Variants in PDZK1IP1 observed in about 807,000 individuals in gnomAD.
The protein encoded by PDZK1IP1 is PDZK1 interacting protein 1.
A neutral mutation model predicts 14.7 loss-of-function variants in PDZK1IP1; 9 were observed. The observed-to-expected ratio is 0.61, with a 90% confidence interval of 0.37 to 1.07. The LOEUF (loss-of-function observed/expected upper bound fraction) is 1.07. Among genes scored for constraint, PDZK1IP1 ranks in the 50% least tolerant of loss-of-function variants. PDZK1IP1 has a pLI of 0.01. For missense variants in PDZK1IP1, 152 were observed against 148.7 expected (o/e 1.02, Z -0.11); for synonymous variants, 70 against 61.2 (o/e 1.14, Z -0.67).
chr1:47,184,582 CAT>C (rs1645307393), intron 3 of PDZK1IP1, among the ~76,000 whole-genome samples: 1 of 125,310 alleles, frequency 8.0e-6, no homozygotes, highest in East Asian at 2.6e-4. Context: ...CCACTGAGTC[CAT>C]ACCCCACTGA....
At chr1:47,186,570 C>G (rs930377308) in intron 2 of PDZK1IP1, among the ~76,000 whole-genome samples, 1 of 152,236 alleles carries the variant, frequency 6.6e-6, no homozygotes, top group African/African-American at 2.4e-5. Flanking sequence ...ACAGAGGCAG[C>G]CTTGCCTGAG....
rs770266089 is a variant in PDZK1IP1, at chr1:47,184,081, C to T, written c.273-38G>A. 1.2e-5 allele frequency: 17 copies of T among 1,468,310 alleles called. No homozygotes were observed. The South Asian group carries it at 2.0e-4, about 18-fold the overall frequency. 91.0% of individuals were successfully genotyped at this position (1,468,310 alleles called of 1,614,324 possible). On this transcript the variant is annotated intron_variant, in intron 3 of 3. Coordinates refer to ENST00000294338, the MANE Select transcript of PDZK1IP1 (RefSeq NM_005764.4). ...GGCATGGGCCTGATGGGTCATCGCT[C>T]CTCCCATTCTATCCCCTTCTCCCTG...
At chr1:47,188,276 G>T (rs570948703) in intron 1 of PDZK1IP1, among the ~76,000 whole-genome samples, 1 of 152,334 alleles carries the variant, frequency 6.6e-6, no homozygotes, top group East Asian at 1.9e-4. Context: ...AAAGTGCTGG[G>T]ATTACAGGCA....
chr1:47,184,427 G>GC (rs1645304346), intron 3 of PDZK1IP1, among the ~76,000 whole-genome samples: 1 of 9,564 alleles, frequency 1.0e-4, no homozygotes, highest in Non-Finnish European at 2.6e-4. Context: ...ACCCTGCTGA[G>GC]TCCATCCCCC....
chr1:47,189,832 G>A (rs778668905), intron 1 of PDZK1IP1, 34 bp downstream of exon 1: 1 of 1,538,418 alleles, frequency 6.5e-7, no homozygotes, highest in Admixed American at 1.9e-5. Context: ...CCACCCCTGG[G>A]TCTCCCGTGC....
In PDZK1IP1 at chr1:47,185,333, C is replaced by T. The variant is rs118136491; in HGVS notation, c.177-236G>A. 1.5e-3 allele frequency: 768 copies of T among 495,784 alleles called. 7 individuals are homozygous for T. The East Asian group carries it at 0.022, about 14-fold the overall frequency. The allele number at this position is 495,784 out of a possible 1,614,324, so 30.7% of individuals were successfully genotyped here. ...AAAAGATTTATCCTGAGTCCAAAGCCTCTCTCTGTCCCAGACGCCCTCAGT... is the reference window on the plus strand; with the variant it reads ...AAAAGATTTATCCTGAGTCCAAAGCTTCTCTCTGTCCCAGACGCCCTCAGT... On this transcript the variant is annotated intron_variant, in intron 2 of 3. Coordinates refer to ENST00000294338, the MANE Select transcript of PDZK1IP1 (RefSeq NM_005764.4).
intron 1 of PDZK1IP1, among the ~76,000 whole-genome samples, chr1:47,189,376 G>GA (rs1645339381): frequency 6.6e-6 from 1 of 152,192 alleles, no homozygotes; most frequent in African/African-American, 2.4e-5. Flanking sequence ...TTATAGGTGA[G>GA]AAAACTGAGT....
In PDZK1IP1 at chr1:47,183,833, C is replaced by A; in HGVS notation, c.*138G>T. 2.7e-6 allele frequency: 2 copies of A among 732,898 alleles called. No individual in the cohort carries two copies. Among genetic ancestry groups the A allele is most frequent in the Admixed American group, 2.2e-5 (1 of 44,466 alleles). 45.4% of individuals were successfully genotyped at this position (732,898 alleles called of 1,614,324 possible). On this transcript the variant is annotated 3_prime_UTR_variant, in exon 4 of 4. Transcript: ENST00000294338. The stretch of plus-strand genomic sequence containing the variant: ...ACCTTGGCTGGCTATACTTCAAGGG[C>A]GGGTAGGGCCGGCATGGGGCTGGAG...
chr1:47,187,497 C>T (rs1645327608), intron 1 of PDZK1IP1, 70 bp from the exon 2 acceptor site: 1 of 1,274,048 alleles, frequency 7.8e-7, no homozygotes, highest in East Asian at 2.4e-5. Context: ...AGCGAGGGGC[C>T]TCACTCTTCA....
intron 3 of PDZK1IP1, 74 bp downstream of exon 3, chr1:47,184,928 C>A: frequency 8.1e-7 from 1 of 1,239,808 alleles, no homozygotes; most frequent in East Asian, 2.3e-5. Context: ...GCCACCTCCC[C>A]CCAGCAGCAC....
At chr1:47,189,338 G>A (rs1426519641) in intron 1 of PDZK1IP1, among the ~76,000 whole-genome samples, 3 of 152,224 alleles carry the variant, frequency 2.0e-5, no homozygotes, top group Non-Finnish European at 2.9e-5. Flanking sequence ...CCTGGGAGGT[G>A]GGCAGGGTGG....
chr1:47,184,141 G>A, intron 3 of PDZK1IP1, 98 bp from the exon 4 acceptor site: 1 of 921,198 alleles, frequency 1.1e-6, no homozygotes, highest in Non-Finnish European at 1.7e-6. Context: ...ATAGCTTCCA[G>A]AATAAACACT....
chr1:47,189,820 G>C, intron 1 of PDZK1IP1, 46 bp downstream of exon 1: 1 of 1,465,732 alleles, frequency 6.8e-7, no homozygotes, highest in Non-Finnish European at 9.2e-7. Flanking sequence ...AACACCACCT[G>C]TCCACCCCTG....
chr1:47,187,759 G>A (rs993552253), intron 1 of PDZK1IP1, among the ~76,000 whole-genome samples: 1 of 152,206 alleles, frequency 6.6e-6, no homozygotes, highest in African/African-American at 2.4e-5. Context: ...TCCCGCAGGT[G>A]GGTCACATGC....
intron 2 of PDZK1IP1, among the ~76,000 whole-genome samples, chr1:47,185,596 G>A (rs1207873271): frequency 6.6e-6 from 1 of 152,168 alleles, no homozygotes; most frequent in Non-Finnish European, 1.5e-5. Context: ...GAGGGTTACA[G>A]GGACCCGAAC....
chr1:47,186,172 G>T (rs1359404294), intron 2 of PDZK1IP1, among the ~76,000 whole-genome samples: 9 of 152,116 alleles, frequency 5.9e-5, no homozygotes, highest in Admixed American at 5.9e-4. Flanking sequence ...GCCAGGCGTG[G>T]TGTCAGGCAC....
At chr1:47,189,663 C>A (rs550252620) in intron 1 of PDZK1IP1, among the ~76,000 whole-genome samples, 1 of 152,336 alleles carries the variant, frequency 6.6e-6, no homozygotes, top group African/African-American at 2.4e-5. Context: ...ATCCTAGAAC[C>A]AACTGCTGCC....
rs781415537 is a variant in PDZK1IP1, at chr1:47,189,928, G to A, written c.5C>T (p.Ser2Leu). Residue 2 changes from serine (S) to leucine (L), a missense_variant, in exon 1 of 4, where the codon TCG becomes TTG. Physicochemically the swap from Ser to Leu is moderately radical, Grantham distance 145. Coordinates refer to ENST00000294338, the MANE Select transcript of PDZK1IP1 (RefSeq NM_005764.4). MSALSLLILGLL... is the reference protein window; with the variant it reads MLALSLLILGLL... Reference sequence around the variant, plus strand: ...GCCCAGAATGAGGAGGCTGAGGGCCGACATGGCTGCAGCAGCTCCTAGCCT... The same window carrying A: ...GCCCAGAATGAGGAGGCTGAGGGCCAACATGGCTGCAGCAGCTCCTAGCCT... The A allele has an allele frequency of 1.3e-5, 21 of 1,591,324 alleles. No individual in the cohort carries two copies. Among genetic ancestry groups the A allele is most frequent in the Middle Eastern group, 1.7e-4 (1 of 6,014 alleles).
chr1:47,184,524 A>C (rs1211078665), intron 3 of PDZK1IP1, among the ~76,000 whole-genome samples: 1 of 18,614 alleles, frequency 5.4e-5, no homozygotes, highest in African/African-American at 1.8e-4. Flanking sequence ...TCCATCCCCC[A>C]CTGAGCTCCA....
Sources: gnomAD v4.1 joint callset for allele counts (sites outside exome capture counted in the v4.1 genomes callset) on GRCh38, gnomAD v4.1.1 for gene constraint, MANE v1.5 for transcripts, NCBI Gene and HGNC (gene_info 2026-07-23, HGNC 2026-07-21) for gene names.